Variants in PPM1E observed in about 807,000 individuals in gnomAD.
PPM1E encodes protein phosphatase 1E.
Under a neutral mutation model 65.9 loss-of-function variants are expected in PPM1E, and 20 were observed. The observed-to-expected ratio is 0.30, with a 90% CI of 0.21 to 0.44. The LOEUF is 0.44. Ranked by LOEUF, PPM1E falls within the 20% of genes least tolerant of loss-of-function variation. The probability of loss-of-function intolerance (pLI) is 1.00; values close to 1 mark genes in which losing one functional copy is unlikely to be tolerated. For missense variants in PPM1E, 713 were observed against 953.1 expected (o/e 0.75, Z 3.32); for synonymous variants, 352 against 374.9 (o/e 0.94, Z 0.70).
chr17:58,870,535 G>A (rs945553863), intron 1 of PPM1E, among the ~76,000 whole-genome samples: 2 of 152,102 alleles, frequency 1.3e-5, no homozygotes, highest in African/African-American at 4.8e-5. Flanking sequence ...ATGTCCATGT[G>A]TACCGATGCT....
intron 1 of PPM1E, among the ~76,000 whole-genome samples, chr17:58,756,974 CG>C (rs2049774460): frequency 6.6e-6 from 1 of 152,304 alleles, no homozygotes; most frequent in South Asian, 2.1e-4. Flanking sequence ...GTGCCTCCTG[CG>C]TAACTGCAAC....
At chr17:58,843,704 G>T (rs1226490263) in intron 1 of PPM1E, among the ~76,000 whole-genome samples, 1 of 152,008 alleles carries the variant, frequency 6.6e-6, no homozygotes, top group Admixed American at 6.6e-5. Flanking sequence ...GGTGGTGTGT[G>T]CCCAGAGTCA....
At chr17:58,758,370 A>G (rs2144126794) in intron 1 of PPM1E, among the ~76,000 whole-genome samples, 1 of 152,150 alleles carries the variant, frequency 6.6e-6, no homozygotes, top group Admixed American at 6.6e-5. Context: ...TCTACTAAAA[A>G]TACAAAAATT....
chr17:58,841,251 A>T (rs1192051569), intron 1 of PPM1E, among the ~76,000 whole-genome samples: 1 of 152,166 alleles, frequency 6.6e-6, no homozygotes, highest in Non-Finnish European at 1.5e-5. Flanking sequence ...TGGGAGGTTA[A>T]TTCTCCACTC....
At chr17:58,836,128 A>G (rs2050653622) in intron 1 of PPM1E, 1 of 152,112 alleles carries the variant, frequency 6.6e-6, no homozygotes, top group East Asian at 1.9e-4. Flanking sequence ...TAACCACTAT[A>G]CAATGCTGCC....
chr17:58,817,464 A>G (rs1458220463), intron 1 of PPM1E, among the ~76,000 whole-genome samples: 1 of 152,208 alleles, frequency 6.6e-6, no homozygotes, highest in African/African-American at 2.4e-5. Flanking sequence ...GGAATTTCAT[A>G]AATTGTTATC....
At chr17:58,921,745 G>C (rs2051753933) in intron 1 of PPM1E, among the ~76,000 whole-genome samples, 2 of 151,160 alleles carry the variant, frequency 1.3e-5, no homozygotes, top group Admixed American at 6.6e-5. Flanking sequence ...CCATTGTGTA[G>C]GAAGAAAGAG....
intron 1 of PPM1E, among the ~76,000 whole-genome samples, chr17:58,937,946 T>C (rs2052008729): frequency 6.6e-6 from 1 of 151,540 alleles, no homozygotes; most frequent in Non-Finnish European, 1.5e-5. Flanking sequence ...TGTGAAGGAT[T>C]CTTTCCTAAC....
intron 1 of PPM1E, among the ~76,000 whole-genome samples, chr17:58,897,294 G>T (rs1394954864): frequency 6.6e-6 from 1 of 151,726 alleles, no homozygotes; most frequent in African/African-American, 2.4e-5. Context: ...GGCGCCTGTA[G>T]TCCCAGCTAC....
At chr17:58,894,080 AC>A (rs894078392) in intron 1 of PPM1E, among the ~76,000 whole-genome samples, 11 of 152,018 alleles carry the variant, frequency 7.2e-5, no homozygotes, top group Admixed American at 4.6e-4. Flanking sequence ...CTCAAAAAAA[AC>A]AAACCAGAAA....
chr17:58,944,768 C>A (rs549248258), intron 1 of PPM1E, among the ~76,000 whole-genome samples: 1 of 151,894 alleles, frequency 6.6e-6, no homozygotes, highest in Non-Finnish European at 1.5e-5. Flanking sequence ...TACTATTTGG[C>A]GATTATAAAC....
chr17:58,820,162 A>G (rs1688695934), intron 1 of PPM1E, among the ~76,000 whole-genome samples: 2 of 152,308 alleles, frequency 1.3e-5, no homozygotes, highest in African/African-American at 4.8e-5. Context: ...ATCCACCCCC[A>G]TGATCCAGTC....
chr17:58,778,927 C>CATACATATAT (rs964133373), intron 1 of PPM1E, among the ~76,000 whole-genome samples: 2 of 103,710 alleles, frequency 1.9e-5, no homozygotes, highest in African/African-American at 3.5e-5. Flanking sequence ...ATGATACATA[C>CATACATATAT]ATATATATAT....
intron 1 of PPM1E, among the ~76,000 whole-genome samples, chr17:58,781,841 AC>A (rs1258497832): frequency 2.0e-5 from 3 of 151,970 alleles, no homozygotes; most frequent in African/African-American, 7.2e-5. Context: ...AGCCAAGATC[AC>A]GCCTGTGCAC....
Position 58,964,474 on chromosome 17 carries a change from G to A in PPM1E, c.584-1220G>A, listed in dbSNP as rs138703464. On this transcript the variant is annotated intron_variant, in intron 2 of 6. Transcript: ENST00000308249. ...ACATGTCTGCCTCAGAAGTCAGCTCGCCAATTCTACCCAATAGGTGAAGCG... is the reference window on the plus strand; with the variant it reads ...ACATGTCTGCCTCAGAAGTCAGCTCACCAATTCTACCCAATAGGTGAAGCG... Among the ~76,000 whole-genome samples, 155 of 152,224 alleles carry A rather than the reference G, an allele frequency of 1.0e-3. 1 individual carries two copies. The highest frequency in any genetic ancestry group is 3.4e-3 in the African/African-American group (141 of 41,544).
chr17:58,942,713 T>A (rs1371208747), intron 1 of PPM1E, among the ~76,000 whole-genome samples: 1 of 152,200 alleles, frequency 6.6e-6, no homozygotes, highest in Middle Eastern at 3.4e-3. Flanking sequence ...TTGGGAGATA[T>A]ACCTAATGCT....
At chr17:58,826,023 T>C (rs1273686498) in intron 1 of PPM1E, among the ~76,000 whole-genome samples, 1 of 151,976 alleles carries the variant, frequency 6.6e-6, no homozygotes, top group East Asian at 1.9e-4. Context: ...GCATGGTGGC[T>C]TATGCCTGTA....
At chr17:58,862,831 T>A (rs2050957250) in intron 1 of PPM1E, among the ~76,000 whole-genome samples, 2 of 152,210 alleles carry the variant, frequency 1.3e-5, no homozygotes, top group Non-Finnish European at 2.9e-5. Flanking sequence ...TATGGGTCGA[T>A]CATTTGGTCC....
At chr17:58,767,046 C>G (rs2049887187) in intron 1 of PPM1E, among the ~76,000 whole-genome samples, 1 of 152,138 alleles carries the variant, frequency 6.6e-6, no homozygotes. Context: ...AGGATATTCT[C>G]TCATCTTGGA....
Sources: gnomAD v4.1 joint callset for allele counts (sites outside exome capture counted in the v4.1 genomes callset) on GRCh38, gnomAD v4.1.1 for gene constraint, MANE v1.5 for transcripts, NCBI Gene and HGNC (gene_info 2026-07-23, HGNC 2026-07-21) for gene names.